The following QNG1 variants were observed in gnomAD, a reference collection of about 807,000 sequenced individuals.
QNG1 encodes queuosine 5'-phosphate N-glycosylase/hydrolase.
chr9:83,954,375 G>C, the QNG1 span, among the ~76,000 whole-genome samples: 1 of 151,996 alleles, frequency 6.6e-6, no homozygotes, highest in Non-Finnish European at 1.5e-5. Context: ...ATGAAATATT[G>C]ATTAGAAAAC....
chr9:83,955,424 A>C, the QNG1 span: 1 of 1,614,162 alleles, frequency 6.2e-7, no homozygotes, highest in Non-Finnish European at 8.5e-7. Context: ...ACTTTCAACC[A>C]CCAGGTGCAT....
At chr9:83,953,915 T>TA in the QNG1 span, 125 of 1,009,470 alleles carry the variant, frequency 1.2e-4, no homozygotes, top group Admixed American at 1.2e-3. Context: ...TTTTTTGAGA[T>TA]AGAGTCTAAT....
chr9:83,952,838 G>GTA, the QNG1 span, among the ~76,000 whole-genome samples: 62 of 151,352 alleles, frequency 4.1e-4, 1 homozygote, highest in Non-Finnish European at 8.0e-4. Context: ...CGTGGTAGTG[G>GTA]GTGCCTGGAA....
chr9:83,950,203 A>C, the QNG1 span, among the ~76,000 whole-genome samples: 8,825 of 151,906 alleles, frequency 0.058, 823 homozygotes, highest in African/African-American at 0.2. Context: ...ATGGGCGCCA[A>C]CACGCCTGGC....
chr9:83,956,213 G>T, the QNG1 span: 1 of 1,613,694 alleles, frequency 6.2e-7, no homozygotes, highest in East Asian at 2.2e-5. Flanking sequence ...AGTACCCACT[G>T]TATGTTTTCC....
chr9:83,938,805 G>A, the QNG1 span: 1 of 151,922 alleles, frequency 6.6e-6, no homozygotes, highest in African/African-American at 2.4e-5. Flanking sequence ...ATGCAGTGGC[G>A]TGACTGTGGC....
the QNG1 span, among the ~76,000 whole-genome samples, chr9:83,942,746 G>A: frequency 6.6e-6 from 1 of 152,180 alleles, no homozygotes; most frequent in Middle Eastern, 3.2e-3. Flanking sequence ...AGTGGCAAAA[G>A]AATTTGTCCA....
chr9:83,939,694 G>A, the QNG1 span: 10 of 1,613,988 alleles, frequency 6.2e-6, no homozygotes, highest in Admixed American at 1.7e-4. Flanking sequence ...ACCAAAGCGA[G>A]CACCCTCTGA....
chr9:83,954,506 CG>C, the QNG1 span, among the ~76,000 whole-genome samples: 1 of 151,660 alleles, frequency 6.6e-6, no homozygotes, highest in Non-Finnish European at 1.5e-5. Flanking sequence ...CGCTTGAACC[CG>C]GGAGGCGGAG....
At chr9:83,953,132 G>C in the QNG1 span, among the ~76,000 whole-genome samples, 1 of 151,982 alleles carries the variant, frequency 6.6e-6, no homozygotes, top group Non-Finnish European at 1.5e-5. Context: ...GCTGGGCATG[G>C]TGGCGGATGC....
At chr9:83,945,400 C>CAAA in the QNG1 span, among the ~76,000 whole-genome samples, 1 of 109,950 alleles carries the variant, frequency 9.1e-6, no homozygotes, top group Non-Finnish European at 1.9e-5. Flanking sequence ...GACCCTGTCT[C>CAAA]AAAAAAAAAA....
the QNG1 span, chr9:83,955,774 A>T: frequency 1.2e-6 from 1 of 835,250 alleles, no homozygotes; most frequent in Non-Finnish European, 1.9e-6. Context: ...AAGAATAAAA[A>T]ATCTAAAGCA....
At chr9:83,956,172 AG>A in the QNG1 span, 1 of 1,610,278 alleles carries the variant, frequency 6.2e-7, no homozygotes, top group Middle Eastern at 1.6e-4. Flanking sequence ...ACCTTCGTCG[AG>A]GGCTCTGTTG....
chr9:83,956,547 G>GGACC, the QNG1 span: 3 of 1,479,680 alleles, frequency 2.0e-6, no homozygotes, highest in African/African-American at 4.2e-5. Context: ...GCCCTAGGCG[G>GGACC]GTCAAGGTCC....
the QNG1 span, chr9:83,955,322 TA>T: frequency 6.5e-7 from 1 of 1,542,358 alleles, no homozygotes; most frequent in Non-Finnish European, 8.8e-7. Context: ...GTTCTGGAAG[TA>T]AAAGAGTTAA....
the QNG1 span, among the ~76,000 whole-genome samples, chr9:83,945,417 AAT>A: frequency 1.1e-4 from 17 of 150,892 alleles, no homozygotes; most frequent in African/African-American, 3.9e-4. Context: ...AAAAAAAAAA[AAT>A]TCATAGATCT....
chr9:83,939,220 C>T, the QNG1 span: 6 of 282,412 alleles, frequency 2.1e-5, no homozygotes, highest in Admixed American at 9.7e-5. Flanking sequence ...ATTACAGGCA[C>T]GTGCCACCAC....
the QNG1 span, among the ~76,000 whole-genome samples, chr9:83,948,513 G>GT: frequency 8.5e-6 from 1 of 117,394 alleles, no homozygotes; most frequent in Admixed American, 8.5e-5. Context: ...CTGTCCGGGA[G>GT]GGGGGGGGCG....
the QNG1 span, among the ~76,000 whole-genome samples, chr9:83,945,894 G>A: frequency 1.3e-5 from 2 of 152,098 alleles, no homozygotes; most frequent in South Asian, 4.1e-4. Flanking sequence ...AAGCCACCGT[G>A]CCTGGCCCAA....
Sources: gnomAD v4.1 joint callset for allele counts (sites outside exome capture counted in the v4.1 genomes callset) on GRCh38, gnomAD v4.1.1 for gene constraint, MANE v1.5 for transcripts, NCBI Gene and HGNC (gene_info 2026-07-23, HGNC 2026-07-21) for gene names.